Variants in KDM6A observed in about 807,000 individuals in gnomAD.
The protein encoded by KDM6A is lysine-specific demethylase 6A.
A neutral mutation model predicts 117.6 loss-of-function variants in KDM6A; 11 were observed. The ratio of observed to expected loss-of-function variants is 0.09; its 90% confidence interval spans 0.06 to 0.15. The LOEUF is 0.15. KDM6A is among the 10% of genes least tolerant of loss of function. KDM6A has a pLI of 1.00. For missense variants in KDM6A, 799 were observed against 1,077.3 expected (o/e 0.74, Z 3.62); for synonymous variants, 384 against 396.1 (o/e 0.97, Z 0.36).
intron 2 of KDM6A, among the ~76,000 whole-genome samples, chrX:44,900,638 C>G (rs1352491244): frequency 8.9e-6 from 1 of 111,924 alleles, no homozygotes; most frequent in African/African-American, 3.2e-5. Flanking sequence ...GTGGCTCACG[C>G]TTGTAATTGC....
At chrX:44,875,852 C>A (rs759335444) in intron 2 of KDM6A, among the ~76,000 whole-genome samples, 90 of 111,652 alleles carry the variant, frequency 8.1e-4, no homozygotes, top group Non-Finnish European at 1.5e-3. Flanking sequence ...GATTTTATGT[C>A]TTAGAATGCT....
intron 18 of KDM6A, among the ~76,000 whole-genome samples, chrX:45,076,467 A>T (rs1602908523): frequency 9.0e-6 from 1 of 110,859 alleles, no homozygotes; most frequent in East Asian, 2.8e-4. Context: ...TCAATAATTT[A>T]TATGTTGTGA....
intron 2 of KDM6A, among the ~76,000 whole-genome samples, chrX:44,890,218 C>T (rs1406902405): frequency 8.9e-6 from 1 of 112,236 alleles, no homozygotes; most frequent in African/African-American, 3.2e-5. Flanking sequence ...AGCAGATATC[C>T]TTGGAGAGTT....
intron 2 of KDM6A, among the ~76,000 whole-genome samples, chrX:44,960,584 T>C (rs1212998050): frequency 2.7e-5 from 3 of 111,859 alleles, no homozygotes; most frequent in African/African-American, 9.7e-5. Flanking sequence ...TAGAACTGGG[T>C]TCTTTCCGTT....
At position 45,083,445 on chromosome X, in the gene KDM6A, GTTAT is replaced by G; in HGVS notation, c.3441-12_3441-9del. 8.3e-7 allele frequency: 1 copy of G among 1,205,926 alleles called. No homozygotes were observed. The highest frequency in any genetic ancestry group is 1.1e-6 in the Non-Finnish European group (1 of 890,888). ...TGTAGCAGAGTTTCACTTTTGATGT[GTTAT>G]TTTATTGCAGGTGGAAGTTGCAGCT... On this transcript the variant is annotated splice_polypyrimidine_tract_variant and intron_variant, in intron 23 of 29. Coordinates refer to ENST00000611820, the MANE Select transcript of KDM6A (RefSeq NM_001291415.2).
chrX:45,041,919 G>A (rs1314789430), intron 8 of KDM6A, among the ~76,000 whole-genome samples: 1 of 110,063 alleles, frequency 9.1e-6, no homozygotes, highest in African/African-American at 3.3e-5. Flanking sequence ...GGTGGAGGTT[G>A]TAGCGAGCCG....
intron 8 of KDM6A, among the ~76,000 whole-genome samples, chrX:45,050,533 G>A (rs2043793248): frequency 9.0e-6 from 1 of 111,602 alleles, no homozygotes; most frequent in South Asian, 3.7e-4. Flanking sequence ...CCTAGTTTAA[G>A]TGAATTGCCT....
chrX:44,942,417 T>A (rs1022999976), intron 2 of KDM6A, among the ~76,000 whole-genome samples: 1 of 110,801 alleles, frequency 9.0e-6, no homozygotes, highest in Non-Finnish European at 1.9e-5. Context: ...GGGTTCTCTG[T>A]CTTCTGTTGA....
intron 8 of KDM6A, among the ~76,000 whole-genome samples, chrX:45,045,314 G>A (rs1366008016): frequency 1.8e-5 from 2 of 110,899 alleles, no homozygotes; most frequent in Admixed American, 9.6e-5. Flanking sequence ...TCTGCCAGGC[G>A]TGGTGGCTCA....
At chrX:45,015,013 G>C (rs1332534923) in intron 5 of KDM6A, among the ~76,000 whole-genome samples, 3 of 112,223 alleles carry the variant, frequency 2.7e-5, no homozygotes, top group Admixed American at 9.4e-5. Flanking sequence ...GGAGAATGAG[G>C]TAGAAATGAA....
At chrX:44,974,598 T>G (rs1479425671) in intron 3 of KDM6A, 68 bp from the exon 4 acceptor site, 4 of 726,196 alleles carry the variant, frequency 5.5e-6, no homozygotes, top group African/African-American at 2.1e-5. Context: ...CTTGTTACCG[T>G]GTTTGTTAAG....
intron 9 of KDM6A, among the ~76,000 whole-genome samples, 155 bp downstream of exon 9, chrX:45,051,957 A>C (rs1426410132): frequency 1.8e-5 from 2 of 111,675 alleles, no homozygotes; most frequent in African/African-American, 3.3e-5. Flanking sequence ...TCTGCCCAGC[A>C]TTGTCCTTCC....
At chrX:44,975,814 G>A (rs1157349197) in intron 4 of KDM6A, among the ~76,000 whole-genome samples, 1 of 111,877 alleles carries the variant, frequency 8.9e-6, no homozygotes, top group African/African-American at 3.3e-5. Flanking sequence ...CAGATGTTTT[G>A]TGCAGATAAG....
chrX:44,944,684 G>A (rs28532381), intron 2 of KDM6A, among the ~76,000 whole-genome samples: 24,111 of 111,131 alleles, frequency 0.22, 4,318 homozygotes, highest in African/African-American at 0.61. Context: ...TTTTGGAGCT[G>A]TTGTATGCGA....
chrX:44,874,119 C>T, intron 2 of KDM6A, 132 bp downstream of exon 2: 1 of 577,743 alleles, frequency 1.7e-6, no homozygotes, highest in East Asian at 3.6e-5. Flanking sequence ...AAACTATTTC[C>T]TGCCTCTGCT....
chrX:45,040,179 AG>A (rs1470556509), intron 8 of KDM6A, among the ~76,000 whole-genome samples: 1 of 67,816 alleles, frequency 1.5e-5, no homozygotes, highest in African/African-American at 5.6e-5. Context: ...GCGGCTGGCC[AG>A]GCAGAGGGGC....
In KDM6A at chrX:45,072,568, C is replaced by T. The variant is rs150853248; in HGVS notation, c.2858+2211C>T. Among the ~76,000 whole-genome samples, 121 of 110,359 alleles carry T rather than the reference C, an allele frequency of 1.1e-3. 1 individual carries two copies. In the East Asian group the frequency reaches 0.03, roughly 28 times the overall value. ...TCACTGCCAGTTTGACTGTCTTCTACCTGCTCCTCACTCATCTGCTGGGGC... is the reference window on the plus strand; with the variant it reads ...TCACTGCCAGTTTGACTGTCTTCTATCTGCTCCTCACTCATCTGCTGGGGC... On this transcript the variant is annotated intron_variant, in intron 18 of 29. Coordinates refer to ENST00000611820, the MANE Select transcript of KDM6A (RefSeq NM_001291415.2).
chrX:44,892,280 CG>C (rs1214980470), intron 2 of KDM6A, among the ~76,000 whole-genome samples: 1 of 112,080 alleles, frequency 8.9e-6, no homozygotes, highest in Non-Finnish European at 1.9e-5. Context: ...ATTTCGAGGC[CG>C]GGTACGGTGG....
At chrX:44,926,400 A>T (rs956621108) in intron 2 of KDM6A, among the ~76,000 whole-genome samples, 2 of 111,317 alleles carry the variant, frequency 1.8e-5, no homozygotes, top group African/African-American at 6.5e-5. Context: ...TACTGTTTAA[A>T]TAAGATGTAT....
Sources: allele counts gnomAD v4.1 joint callset (sites outside exome capture counted in the v4.1 genomes callset), GRCh38; gene constraint gnomAD v4.1.1; transcripts MANE v1.5; gene names NCBI Gene and HGNC (gene_info 2026-07-23, HGNC 2026-07-21).